Variants in SPPL3 observed in about 807,000 individuals in gnomAD.
The protein encoded by SPPL3 is signal peptide peptidase-like 3.
Under a neutral mutation model 42.4 loss-of-function variants are expected in SPPL3, and 5 were observed. That is an observed-to-expected ratio of 0.12 (90% CI 0.06 to 0.25). The LOEUF is 0.25. Among genes scored for constraint, SPPL3 ranks in the 10% least tolerant of loss-of-function variants. The pLI, the probability that SPPL3 is intolerant of heterozygous loss-of-function variation, is 1.00. For synonymous variants in SPPL3, 195 were observed against 181.8 expected (o/e 1.07, Z -0.58); for missense variants, 235 against 489.0 (o/e 0.48, Z 4.90).
In SPPL3 at chr12:120,891,250, G is replaced by C. The variant is rs1873631111; in HGVS notation, c.23+12595C>G. Among the ~76,000 whole-genome samples, 3 of 152,268 alleles carry C rather than the reference G, an allele frequency of 2.0e-5. No homozygotes were observed. The South Asian group carries it at 6.2e-4, about 32-fold the overall frequency. On this transcript the variant is annotated intron_variant, in intron 1 of 10. Coordinates refer to ENST00000353487, the MANE Select transcript of SPPL3 (RefSeq NM_139015.5). Reference sequence around the variant, plus strand: ...AGCCTAATACATCATCCTTAGGCCTGTGAGTTTTCACCACTGCAAAGATAC... The same window carrying C: ...AGCCTAATACATCATCCTTAGGCCTCTGAGTTTTCACCACTGCAAAGATAC...
At chr12:120,772,488 C>A (rs1440185379) in intron 6 of SPPL3, among the ~76,000 whole-genome samples, 1 of 11,560 alleles carries the variant, frequency 8.7e-5, no homozygotes, top group Admixed American at 1.5e-3. Flanking sequence ...TCTGTGGATC[C>A]CTAGCACTTG....
intron 1 of SPPL3, among the ~76,000 whole-genome samples, chr12:120,894,061 C>T (rs1025212971): frequency 1.3e-5 from 2 of 152,174 alleles, no homozygotes; most frequent in East Asian, 1.9e-4. Flanking sequence ...CAGTGGGTCA[C>T]GCCTGTAATC....
chr12:120,839,511 TAAACAA>T (rs764746874), intron 1 of SPPL3, among the ~76,000 whole-genome samples: 85 of 152,122 alleles, frequency 5.6e-4, no homozygotes, highest in Middle Eastern at 6.8e-3. Context: ...AGTATAATAA[TAAACAA>T]AAACAAAAAC....
intron 1 of SPPL3, among the ~76,000 whole-genome samples, chr12:120,899,199 C>T (rs1291568931): frequency 6.6e-6 from 1 of 152,162 alleles, no homozygotes; most frequent in Non-Finnish European, 1.5e-5. Context: ...GATGTTACTA[C>T]CAATTATTTC....
chr12:120,809,640 G>A (rs950647935), intron 2 of SPPL3, among the ~76,000 whole-genome samples: 3 of 152,148 alleles, frequency 2.0e-5, no homozygotes, highest in African/African-American at 7.2e-5. Flanking sequence ...CCTCTCGACT[G>A]AGGATAGTGG....
intron 1 of SPPL3, among the ~76,000 whole-genome samples, chr12:120,836,560 C>T (rs1365920529): frequency 8.8e-6 from 1 of 114,270 alleles, no homozygotes; most frequent in African/African-American, 3.4e-5. Flanking sequence ...CCAACTGAGC[C>T]CCTGCCCAAA....
At chr12:120,777,676 C>G (rs1019020642) in intron 6 of SPPL3, among the ~76,000 whole-genome samples, 2 of 152,174 alleles carry the variant, frequency 1.3e-5, no homozygotes, top group African/African-American at 4.8e-5. Context: ...ACTGAAGTAT[C>G]GTAACACAAA....
chr12:120,887,561 ATC>A (rs2137062808), intron 1 of SPPL3, among the ~76,000 whole-genome samples: 1 of 152,352 alleles, frequency 6.6e-6, no homozygotes, highest in East Asian at 1.9e-4. Context: ...TTTAACAATT[ATC>A]TGAGGCTAAT....
intron 1 of SPPL3, among the ~76,000 whole-genome samples, chr12:120,868,341 A>G (rs553644606): frequency 6.6e-6 from 1 of 152,350 alleles, no homozygotes; most frequent in Non-Finnish European, 1.5e-5. Context: ...GAGGACAACA[A>G]GGTTAATACA....
In SPPL3 at chr12:120,763,253, AAAC is replaced by A. The variant is rs147639792; in HGVS notation, c.*1743_*1745del. On this transcript the variant is annotated 3_prime_UTR_variant, in exon 11 of 11. Transcript: ENST00000353487. ...AGGCTACAAAGGAGTCATTTATTAA[AAAC>A]AAAACCCCAGAAACCCCTCAGCAGG... 0.042 allele frequency: 6,401 copies of A among 152,482 alleles called. 184 individuals are homozygous for A. The highest frequency in any genetic ancestry group is 0.11 in the South Asian group (550 of 4,824). 9.4% of individuals were successfully genotyped at this position (152,482 alleles called of 1,614,324 possible).
chr12:120,816,737 G>A (rs1870888903), intron 1 of SPPL3, among the ~76,000 whole-genome samples: 1 of 152,074 alleles, frequency 6.6e-6, no homozygotes, highest in African/African-American at 2.4e-5. Context: ...GGAGAACTGT[G>A]AATCTCTGTG....
chr12:120,814,769 T>C (rs1372692172), intron 1 of SPPL3, among the ~76,000 whole-genome samples: 1 of 152,200 alleles, frequency 6.6e-6, no homozygotes, highest in Non-Finnish European at 1.5e-5. Context: ...TATCTAGCCT[T>C]TTGGAGTAAA....
intron 1 of SPPL3, among the ~76,000 whole-genome samples, chr12:120,875,020 A>G (rs1008699899): frequency 2.6e-5 from 4 of 152,214 alleles, no homozygotes; most frequent in Admixed American, 1.3e-4. Flanking sequence ...CGGCCAACAG[A>G]CTAAGCTAAG....
intron 1 of SPPL3, among the ~76,000 whole-genome samples, chr12:120,816,281 C>T (rs755885116): frequency 6.6e-6 from 1 of 152,178 alleles, no homozygotes; most frequent in African/African-American, 2.4e-5. Flanking sequence ...ATGGTTTCTT[C>T]TAACTTAAGT....
intron 6 of SPPL3, among the ~76,000 whole-genome samples, chr12:120,775,927 T>C (rs1869298500): frequency 6.6e-6 from 1 of 151,870 alleles, no homozygotes; most frequent in Non-Finnish European, 1.5e-5. Flanking sequence ...CCACCAAATA[T>C]CACTGCTTAC....
At chr12:120,792,113 T>G (rs1260678587) in intron 2 of SPPL3, among the ~76,000 whole-genome samples, 1 of 152,124 alleles carries the variant, frequency 6.6e-6, no homozygotes, top group Non-Finnish European at 1.5e-5. Flanking sequence ...AAAAATAAGT[T>G]CAATACATAG....
chr12:120,801,340 A>G (rs1275066638), intron 2 of SPPL3, among the ~76,000 whole-genome samples: 2 of 151,994 alleles, frequency 1.3e-5, no homozygotes, highest in East Asian at 3.9e-4. Context: ...AACCTGATTT[A>G]CCACCATAAC....
intron 1 of SPPL3, among the ~76,000 whole-genome samples, chr12:120,837,389 A>T (rs1052583002): frequency 2.0e-5 from 3 of 152,210 alleles, no homozygotes; most frequent in Non-Finnish European, 2.9e-5. Flanking sequence ...CGCATTTTAT[A>T]ACTGGCAGCA....
At chr12:120,894,913 C>T in intron 1 of SPPL3, among the ~76,000 whole-genome samples, 1 of 151,738 alleles carries the variant, frequency 6.6e-6, no homozygotes, top group Non-Finnish European at 1.5e-5. Context: ...TGCCACCGCA[C>T]TCCAGCCCGG....
Sources: gnomAD v4.1 joint callset for allele counts (sites outside exome capture counted in the v4.1 genomes callset) on GRCh38, gnomAD v4.1.1 for gene constraint, MANE v1.5 for transcripts, NCBI Gene and HGNC (gene_info 2026-07-23, HGNC 2026-07-21) for gene names.